DBNL: variants seen among roughly 807,000 people sequenced by gnomAD.
DBNL encodes the protein drebrin like.
A neutral mutation model predicts 62.2 loss-of-function variants in DBNL; 35 were observed. The observed-to-expected ratio is 0.56, with a 90% CI of 0.43 to 0.75. DBNL has a LOEUF of 0.75. Ranked by LOEUF, DBNL falls within the 30% of genes least tolerant of loss-of-function variation. DBNL has a pLI of 0.00. For missense variants in DBNL, 495 were observed against 578.4 expected (o/e 0.86, Z 1.48); for synonymous variants, 197 against 218.0 (o/e 0.90, Z 0.85).
At chr7:44,047,687 A>G (rs1191524393) in intron 1 of DBNL, among the ~76,000 whole-genome samples, 1 of 152,178 alleles carries the variant, frequency 6.6e-6, no homozygotes, top group Non-Finnish European at 1.5e-5. Context: ...GAATTATAAG[A>G]TGCTTGACAC....
rs1437914746 is a variant in DBNL at position 44,065,439 on chromosome 7, T to A, written c.*4523T>A. The A allele has an allele frequency of 6.2e-7, 1 of 1,614,084 alleles. No homozygotes were observed. The highest frequency in any genetic ancestry group is 1.1e-5 in the South Asian group (1 of 91,086). The stretch of plus-strand genomic sequence containing the variant: ...TTGGCCTCCTCGGTCCCCTTTTCAC[T>A]CAGCTCTGCATCGAACCAGCCACAG... On this transcript the variant is annotated 3_prime_UTR_variant, in exon 13 of 13. Coordinates refer to ENST00000448521, the MANE Select transcript of DBNL (RefSeq NM_001014436.3).
chr7:44,058,745 T>C, intron 8 of DBNL, 157 bp from the exon 9 acceptor site: 5 of 895,858 alleles, frequency 5.6e-6, no homozygotes, highest in Non-Finnish European at 8.5e-6. Flanking sequence ...CGTTACTTTT[T>C]ATTTTTAAAT....
At chr7:44,055,826 A>G (rs1455102638) in intron 4 of DBNL, among the ~76,000 whole-genome samples, 1 of 152,158 alleles carries the variant, frequency 6.6e-6, no homozygotes, top group Non-Finnish European at 1.5e-5. Flanking sequence ...TGTCAGATGG[A>G]TAGTTTGAAG....
At chr7:44,047,763 C>T (rs370974152) in intron 1 of DBNL, among the ~76,000 whole-genome samples, 14 of 152,240 alleles carry the variant, frequency 9.2e-5, no homozygotes, top group Admixed American at 1.3e-4. Context: ...AAACTTCCTT[C>T]GCCCTTCTTT....
In DBNL at chr7:44,060,332, G is replaced by A. The variant is rs539122670; in HGVS notation, c.1153+179G>A. Among the ~76,000 whole-genome samples the A allele has an allele frequency of 6.6e-6, 1 of 152,222 alleles. No homozygotes were observed. Among genetic ancestry groups the A allele is most frequent in the East Asian group, 1.9e-4 (1 of 5,178 alleles). ...GTGGGGGTGACTGTGGCACTAGAGTGTTCTGCACAGCCCAGGCCTCCCTAC... is the reference window on the plus strand; with the variant it reads ...GTGGGGGTGACTGTGGCACTAGAGTATTCTGCACAGCCCAGGCCTCCCTAC... On this transcript the variant is annotated intron_variant, in intron 12 of 12. Transcript: ENST00000448521. This position sits in a 1 kb window ranked among gnomAD's most constrained non-coding sequence, Gnocchi z 6.3.
At chr7:44,056,538 T>G (rs1298093684) in intron 4 of DBNL, among the ~76,000 whole-genome samples, 1 of 152,220 alleles carries the variant, frequency 6.6e-6, no homozygotes, top group Non-Finnish European at 1.5e-5. Flanking sequence ...GGGTCTCACG[T>G]GAACTGGGAC....
intron 4 of DBNL, among the ~76,000 whole-genome samples, chr7:44,055,530 A>C (rs2096134729): frequency 6.6e-6 from 1 of 152,154 alleles, no homozygotes; most frequent in Non-Finnish European, 1.5e-5. Context: ...TCCTACCAAC[A>C]GTGTATAAGA....
Position 44,060,028 on chromosome 7 carries a change from C to A in DBNL, c.1048-20C>A. ...TGTAAGGGCTGAGTCTGGGGTAACA[C>A]CTTTGTCATCCCTGGGCAGGTGCAG... On this transcript the variant is annotated intron_variant, in intron 11 of 12. Coordinates refer to ENST00000448521, the MANE Select transcript of DBNL (RefSeq NM_001014436.3). The surrounding 1 kb of genome is among the most constrained non-coding windows in gnomAD (Gnocchi z 6.3). 6.2e-7 allele frequency: 1 copy of A among 1,609,056 alleles called. No individual in the cohort carries two copies. The highest frequency in any genetic ancestry group is 8.5e-7 in the Non-Finnish European group (1 of 1,176,422).
Position 44,058,877 on chromosome 7 carries a change from G to T in DBNL, c.754-25G>T. On this transcript the variant is annotated intron_variant, in intron 8 of 12. Transcript: ENST00000448521. The stretch of plus-strand genomic sequence containing the variant: ...GGTGGTGAAGGTTTTGCCCACTGCA[G>T]GGGTCAACATGTGCTTCCCTCCAGG... The T allele has an allele frequency of 6.2e-7, 1 of 1,613,938 alleles. No homozygotes were observed. The highest frequency in any genetic ancestry group is 8.5e-7 in the Non-Finnish European group (1 of 1,179,910).
rs1000855245 is a variant in DBNL at position 44,064,643 on chromosome 7, C to T, written c.*3727C>T. ...GCAGTCAGCCCCTGTGGAGTGTGTC[C>T]CAGTTACACAGAAATGGGGAAAATT... On this transcript the variant is annotated 3_prime_UTR_variant, in exon 13 of 13. Coordinates refer to ENST00000448521, the MANE Select transcript of DBNL (RefSeq NM_001014436.3). 5 of 628,984 alleles carry T rather than the reference C, an allele frequency of 7.9e-6. No homozygotes were observed. In the Admixed American group the frequency reaches 1.2e-4, roughly 15 times the overall value. The allele number at this position is 628,984 out of a possible 1,614,324, so 39.0% of individuals were successfully genotyped here. A position where few individuals can be genotyped will look rare whatever the true frequency, so the allele number is the denominator to read the frequency against.
rs551264350 is a variant in DBNL, at chr7:44,060,761, C to A, written c.1154-16C>A. ...AGGGAGCCCCTGATATGCATCTGGG[C>A]TCATCCTCTTTGCAGCCGACGACAC... On this transcript the variant is annotated splice_polypyrimidine_tract_variant and intron_variant, in intron 12 of 12. Transcript: ENST00000448521. The surrounding 1 kb of genome is among the most constrained non-coding windows in gnomAD (Gnocchi z 6.3). 8 of 1,612,298 alleles carry A rather than the reference C, an allele frequency of 5.0e-6. No individual in the cohort carries two copies. The East Asian group carries it at 1.8e-4, about 36-fold the overall frequency.
chr7:44,054,256 G>A (rs1188926137), intron 4 of DBNL, among the ~76,000 whole-genome samples: 6 of 152,018 alleles, frequency 3.9e-5, no homozygotes, highest in Non-Finnish European at 5.9e-5. Context: ...GCAGTGGCAC[G>A]ATCTCGGCTC....
chr7:44,065,927 C>G lies in DBNL; in HGVS notation c.*5011C>G, dbSNP rs942223737. On this transcript the variant is annotated 3_prime_UTR_variant, in exon 13 of 13. Transcript: ENST00000448521. ...CGCTCAGTGGCCTATCAGCCATTCT[C>G]TGCTCAGACAGAGGCACAAACAAAA... The G allele has an allele frequency of 8.7e-6, 3 of 346,046 alleles. No individual in the cohort carries two copies. Among genetic ancestry groups the G allele is most frequent in the African/African-American group, 4.2e-5 (2 of 47,586 alleles). The allele number at this position is 346,046 out of a possible 1,614,324, so 21.4% of individuals were successfully genotyped here. A position where few individuals can be genotyped will look rare whatever the true frequency, so the allele number is the denominator to read the frequency against.
At position 44,068,630 on chromosome 7, in the gene DBNL, A is replaced by T. The variant is rs1406653465; in HGVS notation, c.*7714A>T. On this transcript the variant is annotated 3_prime_UTR_variant, in exon 13 of 13. Coordinates refer to ENST00000448521, the MANE Select transcript of DBNL (RefSeq NM_001014436.3). ...AGATGATCAATACATGCCCATCCTGAGATGATTCAACTATTGGAATGATCA... is the reference window on the plus strand; with the variant it reads ...AGATGATCAATACATGCCCATCCTGTGATGATTCAACTATTGGAATGATCA... The T allele has an allele frequency of 6.6e-6, 1 of 152,252 alleles. No individual in the cohort carries two copies. Among genetic ancestry groups the T allele is most frequent in the Non-Finnish European group, 1.5e-5 (1 of 68,054 alleles). 9.4% of individuals were successfully genotyped at this position (152,252 alleles called of 1,614,324 possible).
chr7:44,049,852 T>A (rs1433768624), intron 1 of DBNL: 2 of 191,596 alleles, frequency 1.0e-5, no homozygotes, highest in Non-Finnish European at 2.2e-5. Flanking sequence ...GTTTTGTCTC[T>A]TCAAATCCAT....
At position 44,065,836 on chromosome 7, in the gene DBNL, G is replaced by A. The variant is rs534033944; in HGVS notation, c.*4920G>A. 290 of 502,406 alleles carry A rather than the reference G, an allele frequency of 5.8e-4. 1 individual carries two copies. The highest frequency in any genetic ancestry group is 4.8e-3 in the African/African-American group (247 of 51,720). 31.1% of individuals were successfully genotyped at this position (502,406 alleles called of 1,614,324 possible). On this transcript the variant is annotated 3_prime_UTR_variant, in exon 13 of 13. Transcript: ENST00000448521. ...GTGGGGCTGCTGGTCAGGGATGGGC[G>A]TGAAGGGCAGAAGTCTGGGCCAGGG... is the stretch of plus-strand genomic sequence containing the variant.
At position 44,059,255 on chromosome 7, in the gene DBNL, T is replaced by C. The variant is rs2096143332; in HGVS notation, c.836-99T>C. ...CCTGCACTAGCAAGAGCAAGCCCCA[T>C]GAGACTGCCTCGAGCACACCAGGGT... On this transcript the variant is annotated intron_variant, in intron 9 of 12. Transcript: ENST00000448521. The surrounding 1 kb of genome is among the most constrained non-coding windows in gnomAD (Gnocchi z 4.1). The C allele has an allele frequency of 1.6e-6, 2 of 1,258,528 alleles. No homozygotes were observed. Among genetic ancestry groups the C allele is most frequent in the Non-Finnish European group, 2.2e-6 (2 of 894,040 alleles). The allele number at this position is 1,258,528 out of a possible 1,614,324, so 78.0% of individuals were successfully genotyped here.
In DBNL at chr7:44,060,839, G is replaced by A. The variant is rs777820261; in HGVS notation, c.1216G>A (p.Glu406Lys). 1.5e-5 allele frequency: 24 copies of A among 1,613,962 alleles called. No individual in the cohort carries two copies. Among genetic ancestry groups the A allele is most frequent in the Admixed American group, 1.3e-4 (8 of 59,978 alleles). The change falls in exon 13 of 13, where the codon GAA becomes AAA. Residue 406 changes from glutamate to lysine, a missense_variant. Coordinates refer to ENST00000448521, the MANE Select transcript of DBNL (RefSeq NM_001014436.3). The surrounding 1 kb of genome is among the most constrained non-coding windows in gnomAD (Gnocchi z 6.3). ...NLITGIEVIDEGWWRGYGPDG... is the reference protein window; with the variant it reads ...NLITGIEVIDKGWWRGYGPDG... ...CATCACGGGCATCGAGGTGATCGAC[G>A]AAGGCTGGTGGCGTGGCTATGGGCC...
In DBNL at chr7:44,066,004, G is replaced by A. The variant is rs2096159330; in HGVS notation, c.*5088G>A. On this transcript the variant is annotated 3_prime_UTR_variant, in exon 13 of 13. Coordinates refer to ENST00000448521, the MANE Select transcript of DBNL (RefSeq NM_001014436.3). ...CAGCCAGGCTAGGAGGCGGCCCTCA[G>A]CAGGCAGAGGAGGAGAGCCAGAGGA... The A allele has an allele frequency of 3.7e-6, 1 of 272,948 alleles. No individual in the cohort carries two copies. Among genetic ancestry groups the A allele is most frequent in the Non-Finnish European group, 7.3e-6 (1 of 137,572 alleles). The allele number at this position is 272,948 out of a possible 1,614,324, so 16.9% of individuals were successfully genotyped here. A position where few individuals can be genotyped will look rare whatever the true frequency, so the allele number is the denominator to read the frequency against.
Sources: allele counts gnomAD v4.1 joint callset (sites outside exome capture counted in the v4.1 genomes callset), GRCh38; gene constraint gnomAD v4.1.1; non-coding constraint Gnocchi (gnomAD v3.1); transcripts MANE v1.5; gene names NCBI Gene and HGNC (gene_info 2026-07-23, HGNC 2026-07-21).